The following NCKAP1 variants were observed in gnomAD, a reference collection of about 807,000 sequenced individuals.
NCKAP1 encodes NCK associated protein 1.
A neutral mutation model predicts 151.2 loss-of-function variants in NCKAP1; 21 were observed. The observed-to-expected ratio is 0.14, with a 90% CI of 0.10 to 0.20. The LOEUF (loss-of-function observed/expected upper bound fraction) is 0.20. Ranked by LOEUF, NCKAP1 falls within the 10% of genes least tolerant of loss-of-function variation. The pLI, the probability that NCKAP1 is intolerant of heterozygous loss-of-function variation, is 1.00. For synonymous variants in NCKAP1, 484 were observed against 451.8 expected, an observed-to-expected ratio of 1.07 and a Z score of -0.90; for missense variants, 933 against 1,352.1, an observed-to-expected ratio of 0.69 and a Z score of 4.86.
chr2:182,915,775 C>T lies in NCKAP1; in HGVS notation c.*9927G>A, dbSNP rs1029332541. On this transcript the variant is annotated 3_prime_UTR_variant, in exon 31 of 31. Transcript: ENST00000361354. ...ACTGACTCTAGCTAGGGGTGAGTCA[C>T]CAGAATAAAATGATCATTTATTTCA... is the stretch of plus-strand genomic sequence containing the variant. 1 of 152,086 alleles carries T rather than the reference C, an allele frequency of 6.6e-6. No homozygotes were observed. Among genetic ancestry groups the T allele is most frequent in the African/African-American group, 2.4e-5 (1 of 41,386 alleles). The allele number at this position is 152,086 out of a possible 1,614,324, so 9.4% of individuals were successfully genotyped here.
At position 182,915,571 on chromosome 2, in the gene NCKAP1, T is replaced by G. The variant is rs939689452; in HGVS notation, c.*10131A>C. The G allele has an allele frequency of 2.0e-5, 3 of 152,198 alleles. No homozygotes were observed. Among genetic ancestry groups the G allele is most frequent in the Non-Finnish European group, 2.9e-5 (2 of 68,046 alleles). The allele number at this position is 152,198 out of a possible 1,614,324, so 9.4% of individuals were successfully genotyped here. On this transcript the variant is annotated 3_prime_UTR_variant, in exon 31 of 31. Transcript: ENST00000361354. ...CCTGTACGATCAGCTGCGAAAGAAC[T>G]GCCAGTGCAATCTTGAGACTAGATG...
chr2:182,940,818 T>C (rs1001317919), intron 24 of NCKAP1, among the ~76,000 whole-genome samples: 16 of 152,236 alleles, frequency 1.1e-4, no homozygotes, highest in African/African-American at 3.4e-4. Flanking sequence ...TATGATAGAT[T>C]TGTATCACCA....
intron 8 of NCKAP1, among the ~76,000 whole-genome samples, chr2:182,989,426 T>C (rs1337135095): frequency 6.6e-6 from 1 of 152,230 alleles, no homozygotes; most frequent in Non-Finnish European, 1.5e-5. Flanking sequence ...AAAATGTCAC[T>C]TCTGGGTTAT....
At chr2:183,032,644 G>A (rs1221181683) in intron 1 of NCKAP1, among the ~76,000 whole-genome samples, 1 of 152,086 alleles carries the variant, frequency 6.6e-6, no homozygotes, top group African/African-American at 2.4e-5. Flanking sequence ...TCATTTCAGT[G>A]TTATGTGAAA....
At chr2:183,005,215 A>C (rs1698447652) in intron 2 of NCKAP1, among the ~76,000 whole-genome samples, 1 of 152,208 alleles carries the variant, frequency 6.6e-6, no homozygotes, top group African/African-American at 2.4e-5. Context: ...GTACATTCAT[A>C]ATAGTAAGAT....
chr2:183,003,169 AC>A, intron 3 of NCKAP1, 63 bp downstream of exon 3: 1 of 1,251,564 alleles, frequency 8.0e-7, no homozygotes, highest in Non-Finnish European at 1.1e-6. Context: ...ACAGCAATTC[AC>A]ACAATTAATA....
chr2:182,953,048 T>A lies in NCKAP1; in HGVS notation c.2372+65A>T, dbSNP rs1697251087. On this transcript the variant is annotated intron_variant, in intron 21 of 30. Transcript: ENST00000361354. ...GAATAAGTACTTATTCACAAAAAAA[T>A]TAATTTTCCTAAGTACTTCATTACA... 1.0e-5 allele frequency: 15 copies of A among 1,496,682 alleles called. No homozygotes were observed. The South Asian group carries it at 1.7e-4, about 17-fold the overall frequency. 92.7% of individuals were successfully genotyped at this position (1,496,682 alleles called of 1,614,324 possible). A position where few individuals can be genotyped will look rare whatever the true frequency, so the allele number is the denominator to read the frequency against.
At chr2:182,996,139 T>C (rs1051855238) in intron 6 of NCKAP1, among the ~76,000 whole-genome samples, 5 of 152,240 alleles carry the variant, frequency 3.3e-5, no homozygotes, top group African/African-American at 1.2e-4. Context: ...CCAAAAGGGA[T>C]AGACAGCCCA....
In NCKAP1 at chr2:182,964,780, A is replaced by G. The variant is rs1398731523; in HGVS notation, c.1657T>C (p.Phe553Leu). Residue 553 changes from phenylalanine to leucine, a missense_variant, in exon 17 of 31, where the codon TTT (phenylalanine) becomes CTT (leucine). Coordinates refer to ENST00000361354, the MANE Select transcript of NCKAP1 (RefSeq NM_013436.5). ...CFYSRAFEKM[F>L]QQCLELPSQS... ...GAGGGTAACTCCAAACACTGTTGAA[A>G]CATCTTCTCAAAAGCACGACTATAA... 3.7e-6 allele frequency: 6 copies of G among 1,607,700 alleles called. No individual in the cohort carries two copies. Among genetic ancestry groups the G allele is most frequent in the Non-Finnish European group, 5.1e-6 (6 of 1,177,226 alleles).
intron 23 of NCKAP1, among the ~76,000 whole-genome samples, chr2:182,942,650 T>C (rs1559075073): frequency 1.3e-5 from 2 of 151,986 alleles, no homozygotes; most frequent in South Asian, 2.1e-4. Flanking sequence ...TATATAATAG[T>C]AATGTTTCCC....
intron 24 of NCKAP1, among the ~76,000 whole-genome samples, chr2:182,940,676 G>A (rs1696977870): frequency 6.6e-6 from 1 of 152,178 alleles, no homozygotes; most frequent in East Asian, 1.9e-4. Context: ...CTGATCTCAA[G>A]TGATCTGCCT....
chr2:183,012,763 G>A (rs1206892541), intron 2 of NCKAP1, among the ~76,000 whole-genome samples: 1 of 148,678 alleles, frequency 6.7e-6, no homozygotes, highest in Non-Finnish European at 1.5e-5. Flanking sequence ...ACATGCGCAC[G>A]CCACCACACC....
intron 26 of NCKAP1, among the ~76,000 whole-genome samples, chr2:182,933,543 ACTGTCACGC>A (rs1189640852): frequency 3.3e-5 from 5 of 151,814 alleles, no homozygotes; most frequent in African/African-American, 1.2e-4. Flanking sequence ...ATAGGCATGC[ACTGTCACGC>A]CTGGCTAATT....
chr2:183,009,849 ACTT>A (rs1433465401), intron 2 of NCKAP1, among the ~76,000 whole-genome samples: 1 of 152,202 alleles, frequency 6.6e-6, no homozygotes, highest in African/African-American at 2.4e-5. Flanking sequence ...AACTTGAAAC[ACTT>A]CTTCAATACA....
At chr2:182,961,535 C>T (rs994430992) in intron 18 of NCKAP1, among the ~76,000 whole-genome samples, 6 of 152,012 alleles carry the variant, frequency 3.9e-5, no homozygotes, top group African/African-American at 1.2e-4. Flanking sequence ...ACAATGAGAA[C>T]ACATGGACAC....
intron 15 of NCKAP1, among the ~76,000 whole-genome samples, chr2:182,974,343 T>C (rs1458932923): frequency 6.6e-6 from 1 of 150,662 alleles, no homozygotes; most frequent in East Asian, 1.9e-4. Context: ...TTAACAGCAA[T>C]GTTATGCATT....
At chr2:182,959,477 C>T (rs146022109) in intron 18 of NCKAP1, among the ~76,000 whole-genome samples, 3,667 of 152,156 alleles carry the variant, frequency 0.024, 108 homozygotes, top group African/African-American at 0.069. Context: ...ACAGAACCAA[C>T]GACAAAAACC....
At chr2:183,033,313 T>C (rs1448584661) in intron 1 of NCKAP1, among the ~76,000 whole-genome samples, 6 of 152,238 alleles carry the variant, frequency 3.9e-5, no homozygotes, top group African/African-American at 1.4e-4. Flanking sequence ...ATAAAAACTC[T>C]GCAATCTGAA....
At chr2:182,956,736 A>G (rs1697335829) in intron 19 of NCKAP1, 143 bp from the exon 20 acceptor site, 5 of 799,528 alleles carry the variant, frequency 6.3e-6, no homozygotes, top group Non-Finnish European at 9.3e-6. Flanking sequence ...AAAGTTCAAA[A>G]TCTTTAAGGT....
Sources: allele counts gnomAD v4.1 joint callset (sites outside exome capture counted in the v4.1 genomes callset), GRCh38; gene constraint gnomAD v4.1.1; transcripts MANE v1.5; gene names NCBI Gene and HGNC (gene_info 2026-07-23, HGNC 2026-07-21).